The following CDYL2 variants were observed in gnomAD, a reference collection of about 807,000 sequenced individuals.
The protein encoded by CDYL2 is chromodomain Y like 2.
In CDYL2, 23 loss-of-function variants were observed where a neutral mutation model predicts 49.4. The observed-to-expected ratio is 0.47, with a 90% CI of 0.34 to 0.66. The LOEUF is 0.66. Among genes scored for constraint, CDYL2 ranks in the 30% least tolerant of loss-of-function variants. The pLI is 0.01. For missense variants in CDYL2, 678 were observed against 656.4 expected, an observed-to-expected ratio of 1.03 and a Z score of -0.36; for synonymous variants, 360 against 268.8, an observed-to-expected ratio of 1.34 and a Z score of -3.32.
intron 4 of CDYL2, among the ~76,000 whole-genome samples, chr16:80,620,500 C>G (rs1237787665): frequency 6.6e-6 from 1 of 152,196 alleles, no homozygotes; most frequent in Non-Finnish European, 1.5e-5. Context: ...AAAGTGGGAT[C>G]TAACCTAGAG....
intron 2 of CDYL2, among the ~76,000 whole-genome samples, chr16:80,650,997 G>A (rs1453963354): frequency 1.3e-5 from 2 of 149,772 alleles, no homozygotes; most frequent in African/African-American, 4.9e-5. Context: ...AGATGAAGTG[G>A]TTAAGGAGTA....
chr16:80,712,772 G>A (rs1251875853), intron 1 of CDYL2, among the ~76,000 whole-genome samples: 1 of 152,174 alleles, frequency 6.6e-6, no homozygotes, highest in Non-Finnish European at 1.5e-5. Context: ...AAAGGACTGT[G>A]TCCCAATGCC....
At chr16:80,640,305 CAG>C (rs1377965794) in intron 2 of CDYL2, among the ~76,000 whole-genome samples, 3 of 152,140 alleles carry the variant, frequency 2.0e-5, no homozygotes, top group Non-Finnish European at 2.9e-5. Flanking sequence ...GGGCACTGGT[CAG>C]AGTCATGAGG....
At chr16:80,761,284 T>G (rs1368486007) in intron 1 of CDYL2, among the ~76,000 whole-genome samples, 1 of 152,200 alleles carries the variant, frequency 6.6e-6, no homozygotes, top group East Asian at 1.9e-4. Flanking sequence ...TGGGTTCCAA[T>G]CTATCACTGA....
intron 1 of CDYL2, among the ~76,000 whole-genome samples, chr16:80,728,702 G>A (rs1050198168): frequency 6.6e-6 from 1 of 152,142 alleles, no homozygotes; most frequent in African/African-American, 2.4e-5. Flanking sequence ...AGAGAGAAAG[G>A]TCGGGTTACC....
At chr16:80,742,440 A>T (rs1190973661) in intron 1 of CDYL2, 1 of 150,074 alleles carries the variant, frequency 6.7e-6, no homozygotes, top group Non-Finnish European at 1.5e-5. Flanking sequence ...AGAAGGGTGG[A>T]GGATGGATGG....
intron 1 of CDYL2, among the ~76,000 whole-genome samples, chr16:80,748,682 A>T (rs993786047): frequency 6.6e-6 from 1 of 152,060 alleles, no homozygotes; most frequent in Admixed American, 6.5e-5. Context: ...AACCCAATGC[A>T]TTATTACCAG....
rs781540702 is a variant in CDYL2 at position 80,612,777 on chromosome 16, G to A, written c.1067C>T (p.Pro356Leu). 4.3e-6 allele frequency: 7 copies of A among 1,613,830 alleles called. No individual in the cohort carries two copies. Among genetic ancestry groups the A allele is most frequent in the African/African-American group, 2.7e-5 (2 of 75,028 alleles). The part of the protein sequence containing the change: ...KKPIVVAING[P>L]ALGLGASILP... Reference sequence around the variant, plus strand: ...GATGGAGGCACCCAGGCCCAGGGCCGGCCCATTGATGGCCACCACGATAGG... The same window carrying A: ...GATGGAGGCACCCAGGCCCAGGGCCAGCCCATTGATGGCCACCACGATAGG... Residue 356 changes from proline to leucine, a missense_variant, in exon 5 of 7, where the codon CCG becomes CTG. By Grantham distance (98) the Pro-to-Leu change is moderately conservative (BLOSUM62 -3). Coordinates refer to ENST00000570137, the MANE Select transcript of CDYL2 (RefSeq NM_152342.4). The surrounding 1 kb of genome is among the most constrained non-coding windows in gnomAD (Gnocchi z 5.0).
chr16:80,743,401 C>G lies in CDYL2; in HGVS notation c.25-58272G>C, dbSNP rs149971471. Among the ~76,000 whole-genome samples, 916 of 152,310 alleles carry G rather than the reference C, an allele frequency of 6.0e-3. 4 individuals are homozygous for G. Among genetic ancestry groups the G allele is most frequent in the Non-Finnish European group, 0.011 (720 of 68,034 alleles). The stretch of plus-strand genomic sequence containing the variant: ...AAGTGTGAAAGTCTTTATTTGCAGT[C>G]TAAATCTCAAGGAACCACAGACAAA... On this transcript the variant is annotated intron_variant, in intron 1 of 6. Coordinates refer to ENST00000570137, the MANE Select transcript of CDYL2 (RefSeq NM_152342.4).
Position 80,725,695 on chromosome 16 carries a change from C to T in CDYL2, c.25-40566G>A, listed in dbSNP as rs372027594. On this transcript the variant is annotated intron_variant, in intron 1 of 6. Coordinates refer to ENST00000570137, the MANE Select transcript of CDYL2 (RefSeq NM_152342.4). The stretch of plus-strand genomic sequence containing the variant: ...ACGACTGACCTGAGAAACCCTAACC[C>T]GGACTGAACTGAAAAAACACTTGGC... Among the ~76,000 whole-genome samples, 17 of 152,180 alleles carry T rather than the reference C, an allele frequency of 1.1e-4. No individual in the cohort carries two copies. In the South Asian group the frequency reaches 1.7e-3, roughly 15 times the overall value.
At chr16:80,671,076 T>C (rs1909483777) in intron 2 of CDYL2, 2 of 446,894 alleles carry the variant, frequency 4.5e-6, no homozygotes, top group South Asian at 1.6e-5. Flanking sequence ...TTCTCTCTCC[T>C]GCCGCAGCCC....
At chr16:80,712,301 C>T (rs572095431) in intron 1 of CDYL2, among the ~76,000 whole-genome samples, 36 of 150,838 alleles carry the variant, frequency 2.4e-4, no homozygotes, top group Admixed American at 5.3e-4. Context: ...GTCCCTGAAA[C>T]GTAGCCACTG....
intron 2 of CDYL2, among the ~76,000 whole-genome samples, chr16:80,660,224 G>A (rs78501298): frequency 0.02 from 3,100 of 152,004 alleles, 82 homozygotes; most frequent in African/African-American, 0.051. Context: ...AGGAAGACAC[G>A]GGTAAAAAAA....
At chr16:80,641,010 G>C (rs1170199117) in intron 2 of CDYL2, among the ~76,000 whole-genome samples, 1 of 152,156 alleles carries the variant, frequency 6.6e-6, no homozygotes, top group East Asian at 1.9e-4. Context: ...AGAGGAGGTA[G>C]GGAAAAAGAT....
chr16:80,650,924 T>C (rs978782643), intron 2 of CDYL2, among the ~76,000 whole-genome samples: 4 of 128,916 alleles, frequency 3.1e-5, no homozygotes, highest in Non-Finnish European at 6.3e-5. Flanking sequence ...ACCAAAACAA[T>C]TGAGCTCATA....
intron 2 of CDYL2, among the ~76,000 whole-genome samples, chr16:80,633,974 G>A (rs73583637): frequency 6.6e-6 from 1 of 152,126 alleles, no homozygotes; most frequent in African/African-American, 2.4e-5. Flanking sequence ...TCTGGGATGT[G>A]CTAAAGAAAG....
intron 1 of CDYL2, among the ~76,000 whole-genome samples, chr16:80,801,182 A>G (rs1042502279): frequency 2.0e-5 from 3 of 152,206 alleles, no homozygotes; most frequent in Non-Finnish European, 4.4e-5. Context: ...ACTCTAAGAC[A>G]TAACCCAAAA....
At chr16:80,744,852 T>C (rs1905871313) in intron 1 of CDYL2, among the ~76,000 whole-genome samples, 2 of 152,158 alleles carry the variant, frequency 1.3e-5, no homozygotes, top group African/African-American at 2.4e-5. Flanking sequence ...TGGACAGTCC[T>C]GGATCCCCAC....
Position 80,601,173 on chromosome 16 carries a change from C to T in CDYL2, c.*3215G>A, listed in dbSNP as rs1359170215. 1 of 152,138 alleles carries T rather than the reference C, an allele frequency of 6.6e-6. No homozygotes were observed. The highest frequency in any genetic ancestry group is 1.9e-4 in the East Asian group (1 of 5,182). 9.4% of individuals were successfully genotyped at this position (152,138 alleles called of 1,614,324 possible). ...AATGGTGGTGAGAAGGTATGACCAC[C>T]CTAACAAAAGTTCTGCACAAAGTCT... On this transcript the variant is annotated 3_prime_UTR_variant, in exon 7 of 7. Coordinates refer to ENST00000570137, the MANE Select transcript of CDYL2 (RefSeq NM_152342.4).
Sources: gnomAD v4.1 joint callset for allele counts (sites outside exome capture counted in the v4.1 genomes callset) on GRCh38, gnomAD v4.1.1 for gene constraint, Gnocchi (gnomAD v3.1) non-coding constraint, MANE v1.5 for transcripts, NCBI Gene and HGNC (gene_info 2026-07-23, HGNC 2026-07-21) for gene names.